Variants in CHRM3 observed in about 807,000 individuals in gnomAD.
CHRM3 encodes muscarinic acetylcholine receptor M3.
In CHRM3, 11 loss-of-function variants were observed where a neutral mutation model predicts 41.8. The observed-to-expected ratio is 0.26, with a 90% CI of 0.17 to 0.44. CHRM3 has a LOEUF of 0.44. Among genes scored for constraint, CHRM3 ranks in the 20% least tolerant of loss-of-function variants. The pLI, the probability that CHRM3 is intolerant of heterozygous loss-of-function variation, is 1.00. For missense variants in CHRM3, 571 were observed against 745.4 expected, an observed-to-expected ratio of 0.77 and a Z score of 2.72; for synonymous variants, 297 against 301.4, an observed-to-expected ratio of 0.99 and a Z score of 0.15.
At chr1:239,868,333 G>A (rs2149307718) in intron 6 of CHRM3, among the ~76,000 whole-genome samples, 1 of 152,252 alleles carries the variant, frequency 6.6e-6, no homozygotes, top group East Asian at 1.9e-4. Flanking sequence ...TCACTAAATA[G>A]CACATTTACT....
intron 6 of CHRM3, among the ~76,000 whole-genome samples, chr1:239,894,756 T>G (rs990612524): frequency 2.0e-5 from 3 of 152,026 alleles, no homozygotes; most frequent in African/African-American, 7.2e-5. Context: ...TTTATAAAGC[T>G]TAACCCACCA....
chr1:239,573,954 G>A (rs1662084403), intron 3 of CHRM3, among the ~76,000 whole-genome samples: 1 of 151,990 alleles, frequency 6.6e-6, no homozygotes, highest in African/African-American at 2.4e-5. Flanking sequence ...TATTTAGTTA[G>A]TTTTAGTGGT....
chr1:239,627,976 G>A (rs937473976), intron 3 of CHRM3, among the ~76,000 whole-genome samples: 10 of 119,532 alleles, frequency 8.4e-5, no homozygotes, highest in Non-Finnish European at 1.7e-4. Context: ...TGACAATTAT[G>A]TGTCTTGGAG....
chr1:239,669,760 A>G (rs1674174292), intron 4 of CHRM3, among the ~76,000 whole-genome samples: 1 of 152,208 alleles, frequency 6.6e-6, no homozygotes, highest in South Asian at 2.1e-4. Flanking sequence ...TTAAAATGCA[A>G]TCCACTGTAT....
intron 6 of CHRM3, among the ~76,000 whole-genome samples, chr1:239,839,666 A>C (rs1673616781): frequency 6.6e-6 from 1 of 152,210 alleles, no homozygotes; most frequent in Non-Finnish European, 1.5e-5. Flanking sequence ...AATGTTTTAA[A>C]ATATTCAAGG....
rs1328193437 is a variant in CHRM3 at position 239,856,328 on chromosome 1, CG to C, written c.-20+28955del. 2.6e-5 allele frequency among the ~76,000 whole-genome samples: 4 copies of C among 152,190 alleles called. No homozygotes were observed. The South Asian group carries it at 8.3e-4, about 32-fold the overall frequency. ...GGCCTAGTGGGAGGTGATTGGATCA[CG>C]GGGGTGGTTTCTAATGGTTTAGCGC... On this transcript the variant is annotated intron_variant, in intron 6 of 6. Coordinates refer to ENST00000676153, the MANE Select transcript of CHRM3 (RefSeq NM_001375978.1).
At chr1:239,828,749 C>T (rs1290868623) in intron 6 of CHRM3, among the ~76,000 whole-genome samples, 1 of 152,010 alleles carries the variant, frequency 6.6e-6, no homozygotes, top group Non-Finnish European at 1.5e-5. Flanking sequence ...AGATTTTGCT[C>T]TAAGAAAATG....
At chr1:239,546,506 T>G (rs1659318876) in intron 3 of CHRM3, 1 of 152,190 alleles carries the variant, frequency 6.6e-6, no homozygotes, top group East Asian at 1.9e-4. Context: ...TCTCTTCCAA[T>G]TAATTAATGC....
chr1:239,524,555 G>T (rs1440414155), intron 2 of CHRM3, among the ~76,000 whole-genome samples: 1 of 151,962 alleles, frequency 6.6e-6, no homozygotes, highest in Non-Finnish European at 1.5e-5. Flanking sequence ...TATTGTAGAG[G>T]TTTCATTGTT....
intron 3 of CHRM3, among the ~76,000 whole-genome samples, chr1:239,552,259 ATG>A: frequency 6.8e-6 from 1 of 147,466 alleles, no homozygotes; most frequent in Non-Finnish European, 1.5e-5. Flanking sequence ...TATAGATGAT[ATG>A]TATCATATAT....
intron 5 of CHRM3, chr1:239,704,415 G>A (rs61834827): frequency 3.0e-4 from 46 of 152,224 alleles, no homozygotes; most frequent in African/African-American, 1.1e-3. Flanking sequence ...GAAAAAAAAG[G>A]AGGGGAGGAA....
At chr1:239,519,895 C>G (rs1669522868) in intron 2 of CHRM3, among the ~76,000 whole-genome samples, 1 of 151,700 alleles carries the variant, frequency 6.6e-6, no homozygotes. Context: ...CCACAGGCAC[C>G]CGCCACCACA....
intron 6 of CHRM3, among the ~76,000 whole-genome samples, chr1:239,877,618 G>A (rs910076633): frequency 2.0e-4 from 31 of 152,296 alleles, no homozygotes; most frequent in African/African-American, 7.5e-4. Flanking sequence ...CAGAGACTGA[G>A]GCTAAGAAAG....
intron 1 of CHRM3, among the ~76,000 whole-genome samples, chr1:239,486,656 T>A (rs1667201345): frequency 6.6e-6 from 1 of 152,060 alleles, no homozygotes; most frequent in South Asian, 2.1e-4. Flanking sequence ...GTGATTGTGT[T>A]CTAATAAAAC....
At chr1:239,587,171 C>A (rs1218622848) in intron 3 of CHRM3, among the ~76,000 whole-genome samples, 1 of 152,124 alleles carries the variant, frequency 6.6e-6, no homozygotes, top group Non-Finnish European at 1.5e-5. Flanking sequence ...GCAAGCAGGC[C>A]CCTGGCCTCA....
intron 2 of CHRM3, among the ~76,000 whole-genome samples, chr1:239,514,139 T>C (rs950594577): frequency 2.6e-5 from 4 of 152,128 alleles, no homozygotes; most frequent in Non-Finnish European, 5.9e-5. Context: ...TCTGTATAAA[T>C]TATAGAATCA....
chr1:239,450,571 T>G (rs930961941), intron 1 of CHRM3, among the ~76,000 whole-genome samples: 5 of 152,198 alleles, frequency 3.3e-5, no homozygotes, highest in African/African-American at 1.2e-4. Flanking sequence ...TAAAATATTA[T>G]AAGCAAAGCA....
At chr1:239,633,842 A>G (rs1443274265) in intron 4 of CHRM3, among the ~76,000 whole-genome samples, 2 of 152,060 alleles carry the variant, frequency 1.3e-5, no homozygotes, top group African/African-American at 4.8e-5. Flanking sequence ...CATGAGACAC[A>G]TACAGTCCCT....
chr1:239,532,005 C>A (rs150987881), intron 2 of CHRM3, among the ~76,000 whole-genome samples: 8 of 98,588 alleles, frequency 8.1e-5, no homozygotes, highest in Non-Finnish European at 1.5e-4. Flanking sequence ...TCTTTTCCTT[C>A]TTTCTTTTTT....
Sources: gnomAD v4.1 joint callset for allele counts (sites outside exome capture counted in the v4.1 genomes callset) on GRCh38, gnomAD v4.1.1 for gene constraint, MANE v1.5 for transcripts, NCBI Gene and HGNC (gene_info 2026-07-23, HGNC 2026-07-21) for gene names.